SORCS2: variants seen among roughly 807,000 people sequenced by gnomAD.
SORCS2 encodes sortilin related VPS10 domain containing receptor 2, also known as VPS10 domain-containing receptor SorCS2.
In SORCS2, 100 loss-of-function variants were observed where a neutral mutation model predicts 141.6. The ratio of observed to expected loss-of-function variants is 0.71; its 90% CI spans 0.60 to 0.83. The LOEUF (loss-of-function observed/expected upper bound fraction) is 0.83, where lower values mean the gene tolerates loss of function less well. Among genes scored for constraint, SORCS2 ranks in the 40% least tolerant of loss-of-function variants. SORCS2 has a pLI of 0.00. For missense variants in SORCS2, 1,646 were observed against 1,560.2 expected (o/e 1.05, Z -0.93); for synonymous variants, 789 against 676.9 (o/e 1.17, Z -2.57).
intron 2 of SORCS2, among the ~76,000 whole-genome samples, chr4:7,455,817 T>A (rs1452200787): frequency 3.3e-5 from 5 of 152,024 alleles, no homozygotes; most frequent in Admixed American, 3.3e-4. Context: ...GGTCAGGCTC[T>A]GTGTTGGGGT....
intron 1 of SORCS2, among the ~76,000 whole-genome samples, chr4:7,284,461 C>T (rs769970817): frequency 6.6e-6 from 1 of 152,222 alleles, no homozygotes; most frequent in African/African-American, 2.4e-5. Flanking sequence ...CAAGAAATGG[C>T]AGCCATTCAC....
At position 7,358,244 on chromosome 4, in the gene SORCS2, G is replaced by A. The variant is rs140441143; in HGVS notation, c.481-38044G>A. Reference sequence around the variant, plus strand: ...CTGGTTAAGAAGAGGGGCCGTTGATGGCCATTTGCGGGGCACCTGCTGCAT... The same window carrying A: ...CTGGTTAAGAAGAGGGGCCGTTGATAGCCATTTGCGGGGCACCTGCTGCAT... On this transcript the variant is annotated intron_variant, in intron 1 of 26. Coordinates refer to ENST00000507866, the MANE Select transcript of SORCS2 (RefSeq NM_020777.3). Among the ~76,000 whole-genome samples, 41 of 152,312 alleles carry A rather than the reference G, an allele frequency of 2.7e-4. 1 individual carries two copies. The East Asian group carries it at 7.7e-3, about 29-fold the overall frequency.
chr4:7,283,059 CCATTCATTCATTCACT>C (rs148391689), intron 1 of SORCS2, among the ~76,000 whole-genome samples: 2,214 of 152,186 alleles, frequency 0.015, 20 homozygotes, highest in Non-Finnish European at 0.023. Context: ...ATTCATTCAC[CCATTCATTCATTCACT>C]CATTTCTTCA....
intron 3 of SORCS2, among the ~76,000 whole-genome samples, chr4:7,534,925 G>A (rs968131766): frequency 6.6e-6 from 1 of 152,222 alleles, no homozygotes; most frequent in Admixed American, 6.5e-5. Context: ...GGGGCTGCAG[G>A]GGTTGGGGCT....
intron 1 of SORCS2, among the ~76,000 whole-genome samples, chr4:7,300,065 G>A (rs1717334144): frequency 6.6e-6 from 1 of 152,224 alleles, no homozygotes; most frequent in South Asian, 2.1e-4. Context: ...CAGGACGAGA[G>A]AGGATGGCGC....
At chr4:7,551,510 C>G (rs1713700450) in intron 3 of SORCS2, among the ~76,000 whole-genome samples, 1 of 152,154 alleles carries the variant, frequency 6.6e-6, no homozygotes. Flanking sequence ...TGCAGAGAGG[C>G]CTTGACCCAA....
At chr4:7,490,932 G>A (rs1182062025) in intron 2 of SORCS2, among the ~76,000 whole-genome samples, 8 of 152,138 alleles carry the variant, frequency 5.3e-5, no homozygotes, top group South Asian at 2.1e-4. Context: ...TACCTGGCAC[G>A]TGGCAAAGGC....
intron 3 of SORCS2, among the ~76,000 whole-genome samples, chr4:7,583,962 C>T (rs1716360268): frequency 2.0e-5 from 3 of 152,208 alleles, no homozygotes; most frequent in South Asian, 4.1e-4. Flanking sequence ...GCCTTTACCC[C>T]TTGTCTCAAT....
intron 3 of SORCS2, among the ~76,000 whole-genome samples, chr4:7,534,938 G>C (rs1577710789): frequency 6.6e-6 from 1 of 152,210 alleles, no homozygotes; most frequent in African/African-American, 2.4e-5. Context: ...TTGGGGCTGG[G>C]AGTAGGGAGG....
At chr4:7,333,862 C>G (rs1003756153) in intron 1 of SORCS2, among the ~76,000 whole-genome samples, 21 of 152,226 alleles carry the variant, frequency 1.4e-4, no homozygotes. Context: ...CCGCATTTCT[C>G]CAGCTGGAAC....
intron 3 of SORCS2, among the ~76,000 whole-genome samples, chr4:7,578,640 G>A (rs144047328): frequency 1.3e-5 from 2 of 152,344 alleles, no homozygotes; most frequent in African/African-American, 4.8e-5. Context: ...GAGAATGAGT[G>A]TTGAGTGCCT....
intron 2 of SORCS2, among the ~76,000 whole-genome samples, chr4:7,467,709 G>A (rs542495183): frequency 3.3e-5 from 5 of 152,318 alleles, no homozygotes; most frequent in African/African-American, 9.6e-5. Flanking sequence ...TGGGGGAGAT[G>A]CCACCCAGCT....
At chr4:7,323,289 G>A (rs1212286973) in intron 1 of SORCS2, among the ~76,000 whole-genome samples, 1 of 152,192 alleles carries the variant, frequency 6.6e-6, no homozygotes, top group African/African-American at 2.4e-5. Context: ...AAGGAGAACT[G>A]GATTGGTTAC....
chr4:7,303,449 T>TGA (rs1717579758), intron 1 of SORCS2, among the ~76,000 whole-genome samples: 1 of 152,218 alleles, frequency 6.6e-6, no homozygotes, highest in South Asian at 2.1e-4. Flanking sequence ...TGCCCCTTTT[T>TGA]AGTTCTTGAG....
chr4:7,515,364 C>G (rs1334390789), intron 2 of SORCS2, among the ~76,000 whole-genome samples: 1 of 152,208 alleles, frequency 6.6e-6, no homozygotes, highest in Non-Finnish European at 1.5e-5. Context: ...GCGGATGAGG[C>G]CTTCCCTAGG....
At chr4:7,582,095 A>G (rs1440889427) in intron 3 of SORCS2, among the ~76,000 whole-genome samples, 1 of 152,204 alleles carries the variant, frequency 6.6e-6, no homozygotes, top group Non-Finnish European at 1.5e-5. Context: ...CCTACCACTT[A>G]TTGGAGACAT....
At chr4:7,539,369 C>T (rs1286806707) in intron 3 of SORCS2, among the ~76,000 whole-genome samples, 1 of 152,180 alleles carries the variant, frequency 6.6e-6, no homozygotes, top group East Asian at 1.9e-4. Flanking sequence ...AGGACTGTGC[C>T]ATTCAGGCCG....
intron 2 of SORCS2, among the ~76,000 whole-genome samples, chr4:7,482,109 T>C (rs112160956): frequency 3.1e-4 from 13 of 41,692 alleles, no homozygotes; most frequent in Middle Eastern, 0.016. Flanking sequence ...GTATCCCCAC[T>C]GCGGACACCC....
chr4:7,620,546 C>T (rs1719096850), intron 3 of SORCS2, among the ~76,000 whole-genome samples: 1 of 152,198 alleles, frequency 6.6e-6, no homozygotes, highest in Non-Finnish European at 1.5e-5. Flanking sequence ...CCTGGGGAAG[C>T]GGGCAGCTGA....
Sources: allele counts gnomAD v4.1 joint callset (sites outside exome capture counted in the v4.1 genomes callset), GRCh38; gene constraint gnomAD v4.1.1; transcripts MANE v1.5; gene names NCBI Gene and HGNC (gene_info 2026-07-23, HGNC 2026-07-21).